The following RPS6KA5 variants were observed in gnomAD, a reference collection of about 807,000 sequenced individuals.
RPS6KA5 encodes the protein ribosomal protein S6 kinase A5, also known as ribosomal protein S6 kinase alpha-5.
In RPS6KA5, 27 loss-of-function variants were observed where a neutral mutation model predicts 85.5. The ratio of observed to expected loss-of-function variants is 0.32; its 90% confidence interval spans 0.23 to 0.44. RPS6KA5 has a LOEUF of 0.44. Ranked by LOEUF, RPS6KA5 falls within the 20% of genes least tolerant of loss-of-function variation. RPS6KA5 has a pLI of 1.00. For missense variants in RPS6KA5, 811 were observed against 980.9 expected, an observed-to-expected ratio of 0.83 and a Z score of 2.31; for synonymous variants, 334 against 348.2, an observed-to-expected ratio of 0.96 and a Z score of 0.46.
intron 1 of RPS6KA5, among the ~76,000 whole-genome samples, chr14:91,044,028 A>G (rs2139902000): frequency 6.6e-6 from 1 of 152,130 alleles, no homozygotes; most frequent in East Asian, 1.9e-4. Context: ...GGAGTTCAAG[A>G]TCAGCCTGGC....
Position 90,923,307 on chromosome 14 carries a change from G to A in RPS6KA5, c.619-111C>T, listed in dbSNP as rs1817298390. The stretch of plus-strand genomic sequence containing the variant: ...AGATACACTATAGTGGCAAAGTAGT[G>A]GTAGAATCTACTTGACAGACCCACT... On this transcript the variant is annotated intron_variant, in intron 5 of 16. Transcript: ENST00000614987. 6 of 800,896 alleles carry A rather than the reference G, an allele frequency of 7.5e-6. No individual in the cohort carries two copies. The South Asian group carries it at 7.6e-5, about 10-fold the overall frequency. 49.6% of individuals were successfully genotyped at this position (800,896 alleles called of 1,614,324 possible). A position where few individuals can be genotyped will look rare whatever the true frequency, so the allele number is the denominator to read the frequency against.
Position 90,862,014 on chromosome 14 carries a change from G to A in RPS6KA5, c.*10060C>T, listed in dbSNP as rs529937453. On this transcript the variant is annotated 3_prime_UTR_variant, in exon 17 of 17. Coordinates refer to ENST00000614987, the MANE Select transcript of RPS6KA5 (RefSeq NM_004755.4). Reference sequence around the variant, plus strand: ...AAAGATACAAGCTGTAATCTTTAAGGTACTAAATGAATTTCTAAAAATTAC... The same window carrying A: ...AAAGATACAAGCTGTAATCTTTAAGATACTAAATGAATTTCTAAAAATTAC... The A allele has an allele frequency of 6.6e-6, 1 of 152,000 alleles. No homozygotes were observed. Among genetic ancestry groups the A allele is most frequent in the East Asian group, 1.9e-4 (1 of 5,198 alleles). The allele number at this position is 152,000 out of a possible 1,614,324, so 9.4% of individuals were successfully genotyped here.
At chr14:91,049,862 T>C (rs1347805283) in intron 1 of RPS6KA5, among the ~76,000 whole-genome samples, 2 of 152,346 alleles carry the variant, frequency 1.3e-5, no homozygotes, top group Admixed American at 6.5e-5. Context: ...AGCATGCTAC[T>C]GTACTGAATA....
chr14:91,041,585 G>T (rs1312237920), intron 1 of RPS6KA5, among the ~76,000 whole-genome samples: 2 of 152,096 alleles, frequency 1.3e-5, no homozygotes, highest in Admixed American at 1.3e-4. Flanking sequence ...CCAAGTCTAG[G>T]GCATACATAA....
In RPS6KA5 at chr14:90,849,923, T is replaced by C. The variant is rs1306737730; in HGVS notation, c.*22151A>G. 2 of 152,264 alleles carry C rather than the reference T, an allele frequency of 1.3e-5. No individual in the cohort carries two copies. The highest frequency in any genetic ancestry group is 4.8e-5 in the African/African-American group (2 of 41,444). 9.4% of individuals were successfully genotyped at this position (152,264 alleles called of 1,614,324 possible). A position where few individuals can be genotyped will look rare whatever the true frequency, so the allele number is the denominator to read the frequency against. Reference sequence around the variant, plus strand: ...ACATTAGAATCTCCATGGCCGTGCATGGTGGCTCATGCCTGTAATCCCATC... The same window carrying C: ...ACATTAGAATCTCCATGGCCGTGCACGGTGGCTCATGCCTGTAATCCCATC... On this transcript the variant is annotated 3_prime_UTR_variant, in exon 17 of 17. Coordinates refer to ENST00000614987, the MANE Select transcript of RPS6KA5 (RefSeq NM_004755.4).
At chr14:90,993,627 T>C (rs2040397945) in intron 2 of RPS6KA5, among the ~76,000 whole-genome samples, 1 of 152,240 alleles carries the variant, frequency 6.6e-6, no homozygotes, top group African/African-American at 2.4e-5. Context: ...TGTTGTAAAG[T>C]CCACTGTTAA....
In RPS6KA5 at chr14:90,864,697, C is replaced by T. The variant is rs2032726777; in HGVS notation, c.*7377G>A. The T allele has an allele frequency of 6.6e-6, 1 of 152,050 alleles. No homozygotes were observed. The highest frequency in any genetic ancestry group is 2.1e-4 in the South Asian group (1 of 4,828). The allele number at this position is 152,050 out of a possible 1,614,324, so 9.4% of individuals were successfully genotyped here. ...GCAAGTCAGTAAGAAAAAAAGACAA[C>T]CCAATAAATATGAACAAATGACTTG... On this transcript the variant is annotated 3_prime_UTR_variant, in exon 17 of 17. Coordinates refer to ENST00000614987, the MANE Select transcript of RPS6KA5 (RefSeq NM_004755.4).
intron 1 of RPS6KA5, among the ~76,000 whole-genome samples, chr14:91,023,712 C>T (rs559460450): frequency 6.6e-6 from 1 of 151,796 alleles, no homozygotes; most frequent in Admixed American, 6.6e-5. Context: ...TGCTGCCTTG[C>T]TTTGTATGTC....
intron 1 of RPS6KA5, among the ~76,000 whole-genome samples, chr14:91,004,063 T>C (rs1290769433): frequency 6.6e-6 from 1 of 152,026 alleles, no homozygotes; most frequent in East Asian, 1.9e-4. Flanking sequence ...CTTTATTTTG[T>C]CTTCATTTTC....
intron 14 of RPS6KA5, among the ~76,000 whole-genome samples, chr14:90,880,439 T>A (rs1466175321): frequency 1.3e-5 from 2 of 152,228 alleles, no homozygotes; most frequent in African/African-American, 4.8e-5. Flanking sequence ...TATGTTTTTG[T>A]ACATGTGAGA....
intron 6 of RPS6KA5, among the ~76,000 whole-genome samples, chr14:90,921,755 C>T (rs1309092726): frequency 1.3e-5 from 2 of 152,044 alleles, no homozygotes; most frequent in East Asian, 1.9e-4. Context: ...CATGATTAGT[C>T]GTCAGGAAGG....
chr14:90,950,615 T>C (rs897942210), intron 3 of RPS6KA5, among the ~76,000 whole-genome samples: 3 of 152,240 alleles, frequency 2.0e-5, no homozygotes, highest in Admixed American at 6.5e-5. Context: ...TTTTGGCAAA[T>C]ACTGTTTTTC....
At chr14:90,962,288 C>CA (rs1156951634) in intron 3 of RPS6KA5, among the ~76,000 whole-genome samples, 5 of 134,712 alleles carry the variant, frequency 3.7e-5, no homozygotes, top group African/African-American at 5.8e-5. Flanking sequence ...TTTTTTTTTA[C>CA]AAAAAACTTA....
intron 1 of RPS6KA5, among the ~76,000 whole-genome samples, chr14:91,013,108 A>T (rs796197965): frequency 1.3e-4 from 20 of 152,234 alleles, no homozygotes; most frequent in African/African-American, 4.8e-4. Flanking sequence ...ACCTCCCTTC[A>T]TATAAGGAAT....
rs926368347 is a variant in RPS6KA5 at position 90,905,482 on chromosome 14, T to G, written c.957+667A>C. ...TTTGACGACTGAGGCTGGAAATAAC[T>G]AGCCAACTCAGTTAATTTAAATGTT... On this transcript the variant is annotated intron_variant, in intron 8 of 16. Coordinates refer to ENST00000614987, the MANE Select transcript of RPS6KA5 (RefSeq NM_004755.4). Among the ~76,000 whole-genome samples the G allele has an allele frequency of 3.3e-5, 5 of 152,324 alleles. No homozygotes were observed. The South Asian group carries it at 1.0e-3, about 32-fold the overall frequency.
intron 8 of RPS6KA5, among the ~76,000 whole-genome samples, chr14:90,905,318 G>T (rs1387893942): frequency 6.6e-6 from 1 of 151,892 alleles, no homozygotes; most frequent in Non-Finnish European, 1.5e-5. Context: ...TAATGTAAAA[G>T]CTTAATTTAC....
intron 1 of RPS6KA5, among the ~76,000 whole-genome samples, chr14:91,009,573 G>A (rs946942247): frequency 5.3e-5 from 8 of 152,120 alleles, no homozygotes; most frequent in Non-Finnish European, 1.2e-4. Flanking sequence ...ATTGTAGCCT[G>A]AACAGACTAA....
At chr14:90,875,041 G>A (rs1418699561) in intron 15 of RPS6KA5, among the ~76,000 whole-genome samples, 160 bp downstream of exon 15, 1 of 152,184 alleles carries the variant, frequency 6.6e-6, no homozygotes, top group African/African-American at 2.4e-5. Flanking sequence ...TAAAGAGAAT[G>A]TTCTGATAAG....
chr14:90,918,889 C>A (rs2036257739), intron 7 of RPS6KA5, among the ~76,000 whole-genome samples: 1 of 152,082 alleles, frequency 6.6e-6, no homozygotes, highest in Admixed American at 6.5e-5. Flanking sequence ...AAGTTTATTT[C>A]AAGACTTATA....
Sources: gnomAD v4.1 joint callset for allele counts (sites outside exome capture counted in the v4.1 genomes callset) on GRCh38, gnomAD v4.1.1 for gene constraint, MANE v1.5 for transcripts, NCBI Gene and HGNC (gene_info 2026-07-23, HGNC 2026-07-21) for gene names.